Variants in CGGBP1 observed in about 807,000 individuals in gnomAD.
The protein encoded by CGGBP1 is CGG triplet repeat binding protein 1.
CGGBP1 carries 4 observed loss-of-function variants against 11.4 expected under a neutral mutation model. The observed-to-expected ratio is 0.35, with a 90% CI of 0.17 to 0.80. The LOEUF (loss-of-function observed/expected upper bound fraction) is 0.80. CGGBP1 is among the 30% of genes least tolerant of loss of function. CGGBP1 has a pLI of 0.52. For missense variants in CGGBP1, 135 were observed against 202.1 expected (o/e 0.67, Z 2.01); for synonymous variants, 76 against 74.1 (o/e 1.03, Z -0.13).
upstream of CGGBP1, chr3:88,059,310 C>G: frequency 6.5e-7 from 1 of 1,532,852 alleles, no homozygotes; most frequent in Non-Finnish European, 8.7e-7. Flanking sequence ...CGCTGGGCGG[C>G]GAGAGCCTCA....
At chr3:88,126,579 CTTTTTTTTTTTTTT>C (rs144091813) in intron 2 of CGGBP1, among the ~76,000 whole-genome samples, 3 of 81,744 alleles carry the variant, frequency 3.7e-5, no homozygotes, top group African/African-American at 9.0e-5. Context: ...GTAGAAACAT[CTTTTTTTTTTTTTT>C]TTTTTTTTTT....
chr3:88,105,661 T>C (rs1704692570), intron 2 of CGGBP1, among the ~76,000 whole-genome samples: 2 of 152,204 alleles, frequency 1.3e-5, no homozygotes, highest in Admixed American at 1.3e-4. Flanking sequence ...TGTATATCTC[T>C]GACCTCATCA....
intron 2 of CGGBP1, among the ~76,000 whole-genome samples, chr3:88,068,047 G>T (rs781136821): frequency 4.6e-5 from 7 of 152,178 alleles, no homozygotes; most frequent in Non-Finnish European, 1.0e-4. Context: ...AAGTGGAGGG[G>T]TGTTGCTTTA....
chr3:88,059,614 C>G (rs2107571452), upstream of CGGBP1: 1 of 1,388,764 alleles, frequency 7.2e-7, no homozygotes, highest in East Asian at 2.8e-5. Flanking sequence ...CCGCTCCTCC[C>G]CAACAAGGAG....
chr3:88,059,850 C>T (rs1396694141), upstream of CGGBP1, among the ~76,000 whole-genome samples: 4 of 152,144 alleles, frequency 2.6e-5, no homozygotes, highest in East Asian at 1.9e-4. Flanking sequence ...ATGTTTCCTA[C>T]CCTGGTCTTT....
chr3:88,111,516 AG>A (rs1705088159), intron 2 of CGGBP1, among the ~76,000 whole-genome samples: 3 of 151,962 alleles, frequency 2.0e-5, no homozygotes, highest in Admixed American at 6.6e-5. Context: ...ATATAGATGT[AG>A]CTATATTCTC....
chr3:88,071,297 G>A (rs965767848), intron 2 of CGGBP1, among the ~76,000 whole-genome samples: 1 of 151,742 alleles, frequency 6.6e-6, no homozygotes. Flanking sequence ...ATCACCTGAG[G>A]TCAGGAGTTT....
intron 2 of CGGBP1, among the ~76,000 whole-genome samples, chr3:88,094,871 G>T (rs1040771524): frequency 6.6e-6 from 1 of 151,462 alleles, no homozygotes; most frequent in Admixed American, 6.6e-5. Context: ...TTTTACTGTG[G>T]AATGAAGAAA....
intron 1 of CGGBP1, chr3:88,141,589 G>T: frequency 7.4e-7 from 1 of 1,347,006 alleles, no homozygotes; most frequent in South Asian, 1.7e-5. Flanking sequence ...ATCTGACTTG[G>T]AATTCCGGTC....
chr3:88,108,865 C>T (rs1704906463), intron 2 of CGGBP1, among the ~76,000 whole-genome samples: 1 of 152,006 alleles, frequency 6.6e-6, no homozygotes, highest in Admixed American at 6.6e-5. Context: ...TTGCTAAAAT[C>T]TCACAGTGAG....
chr3:88,062,258 T>C (rs1424656823), upstream of CGGBP1, among the ~76,000 whole-genome samples: 1 of 152,202 alleles, frequency 6.6e-6, no homozygotes, highest in Non-Finnish European at 1.5e-5. Flanking sequence ...AGTAGCATAG[T>C]TGAAATTGAG....
chr3:88,076,446 A>C (rs558519223), intron 2 of CGGBP1, among the ~76,000 whole-genome samples: 73 of 152,124 alleles, frequency 4.8e-4, no homozygotes, highest in Middle Eastern at 6.8e-3. Flanking sequence ...ATATCTGTCT[A>C]GTCTAGCCTC....
chr3:88,053,861 A>G lies in CGGBP1; in HGVS notation c.*1612T>C, dbSNP rs1706483408. ...GCACTACTCTAGGCATGCATTTATC[A>G]TACTACTTTAACATAACTGAACATG... On this transcript the variant is annotated 3_prime_UTR_variant, in exon 4 of 4. Coordinates refer to ENST00000482016, the MANE Select transcript of CGGBP1 (RefSeq NM_001008390.2). 6.6e-6 allele frequency: 1 copy of G among 152,612 alleles called. No individual in the cohort carries two copies. 9.5% of individuals were successfully genotyped at this position (152,612 alleles called of 1,614,324 possible).
intron 2 of CGGBP1, among the ~76,000 whole-genome samples, chr3:88,089,189 A>G (rs1442830679): frequency 2.6e-5 from 2 of 78,264 alleles, no homozygotes; most frequent in African/African-American, 3.8e-5. Flanking sequence ...AAGCTTACGT[A>G]TTAAAAAAAA....
intron 2 of CGGBP1, chr3:88,112,992 A>C (rs13083441): frequency 1.6e-6 from 1 of 634,336 alleles, no homozygotes; most frequent in Non-Finnish European, 2.6e-6. Context: ...TGTTCAGTAC[A>C]ATTTTTTAAA....
At position 88,108,169 on chromosome 3, in the gene CGGBP1, A is replaced by ACAT. The variant is rs1221932198; in HGVS notation, c.-229+32800_-229+32801insATG. On this transcript the variant is annotated intron_variant, in intron 2 of 3. Transcript: ENST00000462901. ...TTTGACCATGTAGGTATATGAATTC[A>ACAT]GGTCACGACCTACATGAGAAGATTT... 1.7e-3 allele frequency among the ~76,000 whole-genome samples: 265 copies of ACAT among 151,880 alleles called. 1 individual carries two copies. Among genetic ancestry groups the ACAT allele is most frequent in the African/African-American group, 5.2e-3 (215 of 41,464 alleles).
At chr3:88,060,099 G>A (rs1000429451), upstream of CGGBP1, among the ~76,000 whole-genome samples, 1 of 152,008 alleles carries the variant, frequency 6.6e-6, no homozygotes. Context: ...CAGAGAGTGC[G>A]TTAAGGCAAT....
intron 2 of CGGBP1, chr3:88,139,523 A>C (rs767916526): frequency 6.2e-7 from 1 of 1,613,444 alleles, no homozygotes; most frequent in Non-Finnish European, 8.5e-7. Flanking sequence ...CTTTGGAAGA[A>C]ATAAATTGTT....
rs73844892 is a variant in CGGBP1 at position 88,143,131 on chromosome 3, T to G, written c.-337-2053A>C. ...AATCTCATCAGACCCTATTAGAGCT[T>G]CTTGAATGAGGCTATTACGGAAGTG... On this transcript the variant is annotated intron_variant, in intron 1 of 3. Coordinates refer to the CGGBP1 transcript ENST00000462901. 3.0e-3 allele frequency: 461 copies of G among 152,436 alleles called. 3 individuals are homozygous for G. Among genetic ancestry groups the G allele is most frequent in the African/African-American group, 0.011 (443 of 41,554 alleles). 9.4% of individuals were successfully genotyped at this position (152,436 alleles called of 1,614,324 possible).
Sources: allele counts gnomAD v4.1 joint callset (sites outside exome capture counted in the v4.1 genomes callset), GRCh38; gene constraint gnomAD v4.1.1; transcripts MANE v1.5; gene names NCBI Gene and HGNC (gene_info 2026-07-23, HGNC 2026-07-21).